DAP3: variants seen among roughly 807,000 people sequenced by gnomAD.
DAP3 encodes death associated protein 3.
DAP3 carries 28 observed loss-of-function variants against 51.9 expected under a neutral mutation model. The observed-to-expected ratio is 0.54, with a 90% CI of 0.40 to 0.74. DAP3 has a LOEUF of 0.74. Ranked by LOEUF, DAP3 falls within the 30% of genes least tolerant of loss-of-function variation. DAP3 has a pLI of 0.00. For missense variants in DAP3, 458 were observed against 483.5 expected, an observed-to-expected ratio of 0.95 and a Z score of 0.49; for synonymous variants, 170 against 170.3, an observed-to-expected ratio of 1.00 and a Z score of 0.01.
Position 155,726,068 on chromosome 1 carries a change from T to C in DAP3, c.472+49T>C, listed in dbSNP as rs764491920. On this transcript the variant is annotated intron_variant, in intron 6 of 12. Coordinates refer to ENST00000368336, the MANE Select transcript of DAP3 (RefSeq NM_004632.4). ...CTGTCTGTTAGGTTTAGTTATCCTGTTACTGTGGTAGCCTTGCAGCTTTAA... is the reference window on the plus strand; with the variant it reads ...CTGTCTGTTAGGTTTAGTTATCCTGCTACTGTGGTAGCCTTGCAGCTTTAA... 8 of 1,470,952 alleles carry C rather than the reference T, an allele frequency of 5.4e-6. No homozygotes were observed. In the Admixed American group the frequency reaches 1.4e-4, roughly 26 times the overall value. 91.1% of individuals were successfully genotyped at this position (1,470,952 alleles called of 1,614,324 possible).
chr1:155,729,024 T>G lies in DAP3; in HGVS notation c.604-18T>G. On this transcript the variant is annotated intron_variant, in intron 7 of 12. Coordinates refer to ENST00000368336, the MANE Select transcript of DAP3 (RefSeq NM_004632.4). ...AGTAGCCTTTTTTTTGGTTTTTATTTTCTTTGCTTGCTTTTAGATAAAAGT... is the reference window on the plus strand; with the variant it reads ...AGTAGCCTTTTTTTTGGTTTTTATTGTCTTTGCTTGCTTTTAGATAAAAGT... The G allele has an allele frequency of 1.2e-6, 2 of 1,610,444 alleles. No homozygotes were observed. The highest frequency in any genetic ancestry group is 2.2e-5 in the South Asian group (2 of 90,284).
At chr1:155,726,062 A>T in intron 6 of DAP3, 43 bp downstream of exon 6, 1 of 1,484,452 alleles carries the variant, frequency 6.7e-7, no homozygotes, top group Non-Finnish European at 9.4e-7. Context: ...AGGTTTAGTT[A>T]TCCTGTTACT....
intron 1 of DAP3, among the ~76,000 whole-genome samples, chr1:155,696,340 T>A (rs1342617819): frequency 6.6e-6 from 1 of 152,142 alleles, no homozygotes; most frequent in Admixed American, 6.5e-5. Flanking sequence ...TAATTCTCTT[T>A]TATGGTGTAA....
At chr1:155,688,456 TC>T (rs1399483893), upstream of DAP3, 1 of 1,549,318 alleles carries the variant, frequency 6.5e-7, no homozygotes, top group Non-Finnish European at 8.7e-7. Context: ...TTCGCCCGAC[TC>T]CGGCCATGTA....
chr1:155,688,025 G>T, upstream of DAP3: 1 of 1,523,848 alleles, frequency 6.6e-7, no homozygotes, highest in Non-Finnish European at 8.9e-7. Flanking sequence ...TTCAATCGCT[G>T]AGAGAGTGCT....
At chr1:155,729,434 T>C in intron 9 of DAP3, 68 bp downstream of exon 9, 1 of 1,568,802 alleles carries the variant, frequency 6.4e-7, no homozygotes, top group Non-Finnish European at 8.7e-7. Flanking sequence ...AGGCTGGGTC[T>C]TAGCCTTGTA....
intron 2 of DAP3, among the ~76,000 whole-genome samples, chr1:155,713,280 C>G (rs1447826638): frequency 3.9e-5 from 6 of 152,298 alleles, no homozygotes; most frequent in African/African-American, 1.4e-4. Context: ...GCAAGGGAGG[C>G]TGAGAAGTGT....
chr1:155,700,305 T>C (rs956464164), intron 1 of DAP3, among the ~76,000 whole-genome samples: 1 of 152,230 alleles, frequency 6.6e-6, no homozygotes, highest in Non-Finnish European at 1.5e-5. Flanking sequence ...TTCTATGTGA[T>C]TTGCAAATAT....
At chr1:155,731,847 G>T in intron 10 of DAP3, 97 bp from the exon 11 acceptor site, 1 of 1,254,156 alleles carries the variant, frequency 8.0e-7, no homozygotes, top group Non-Finnish European at 1.1e-6. Context: ...TTGTAACACT[G>T]TATGCCCAAG....
At chr1:155,704,531 A>C (rs1655707224) in intron 1 of DAP3, among the ~76,000 whole-genome samples, 1 of 152,172 alleles carries the variant, frequency 6.6e-6, no homozygotes, top group Non-Finnish European at 1.5e-5. Flanking sequence ...TGCACTCTAG[A>C]AAAGGAGCCC....
intron 1 of DAP3, among the ~76,000 whole-genome samples, chr1:155,695,718 C>G (rs1654432234): frequency 6.6e-6 from 1 of 152,180 alleles, no homozygotes; most frequent in Non-Finnish European, 1.5e-5. Context: ...ACAGTATTAA[C>G]TGGCTGATTA....
At chr1:155,693,496 T>C (rs1654129428) in intron 1 of DAP3, among the ~76,000 whole-genome samples, 1 of 142,052 alleles carries the variant, frequency 7.0e-6, no homozygotes, top group South Asian at 2.1e-4. Context: ...TATGGGAAAC[T>C]GGGCATGTTT....
chr1:155,705,244 C>G (rs1177848791), intron 1 of DAP3, among the ~76,000 whole-genome samples: 1 of 151,828 alleles, frequency 6.6e-6, no homozygotes, highest in East Asian at 1.9e-4. Context: ...TGTGATTGTG[C>G]CACTGTATTC....
chr1:155,718,630 G>C (rs1304068895), intron 3 of DAP3, among the ~76,000 whole-genome samples: 3 of 151,196 alleles, frequency 2.0e-5, no homozygotes, highest in Non-Finnish European at 4.4e-5. Flanking sequence ...AGCTTGCAGT[G>C]AGCTGAGATC....
intron 1 of DAP3, among the ~76,000 whole-genome samples, chr1:155,698,961 C>T (rs1654852556): frequency 6.6e-6 from 1 of 152,142 alleles, no homozygotes; most frequent in African/African-American, 2.4e-5. Context: ...TTTCGGGCCT[C>T]ATGTTGGGCA....
intron 11 of DAP3, among the ~76,000 whole-genome samples, chr1:155,733,919 C>T (rs1191736097): frequency 2.0e-5 from 3 of 152,042 alleles, no homozygotes; most frequent in African/African-American, 7.2e-5. Context: ...TTTGGGAGGC[C>T]AAGGCAGAAG....
At chr1:155,688,369 G>T, upstream of DAP3, 2 of 1,546,718 alleles carry the variant, frequency 1.3e-6, no homozygotes, top group Non-Finnish European at 1.7e-6. Context: ...CCTCCAGAGG[G>T]AGGGAGCTAA....
At chr1:155,707,127 T>TA (rs1180191947) in intron 1 of DAP3, among the ~76,000 whole-genome samples, 2 of 148,958 alleles carry the variant, frequency 1.3e-5, no homozygotes, top group South Asian at 2.1e-4. Context: ...AAAAAATTTA[T>TA]AATAGGCCAG....
At chr1:155,711,017 C>T (rs1373527821) in intron 2 of DAP3, among the ~76,000 whole-genome samples, 1 of 152,110 alleles carries the variant, frequency 6.6e-6, no homozygotes, top group African/African-American at 2.4e-5. Context: ...TATTTAATTA[C>T]AGATTAGATT....
Sources: allele counts gnomAD v4.1 joint callset (sites outside exome capture counted in the v4.1 genomes callset), GRCh38; gene constraint gnomAD v4.1.1; transcripts MANE v1.5; gene names NCBI Gene and HGNC (gene_info 2026-07-23, HGNC 2026-07-21).